Variants in KMT2A observed in about 807,000 individuals in gnomAD.
KMT2A encodes histone-lysine N-methyltransferase 2A.
Under a neutral mutation model 345.3 loss-of-function variants are expected in KMT2A, and 16 were observed. That is an observed-to-expected ratio of 0.05 (90% CI 0.03 to 0.07). The LOEUF is 0.07. Among genes scored for constraint, KMT2A ranks in the 10% least tolerant of loss-of-function variants. The probability of loss-of-function intolerance (pLI) is 1.00; values close to 1 mark genes in which losing one functional copy is unlikely to be tolerated. For synonymous variants in KMT2A, 1,599 were observed against 1,778.6 expected (o/e 0.90, Z 2.54); for missense variants, 3,272 against 4,841.6 (o/e 0.68, Z 9.62).
chr11:118,488,714 G>T lies in KMT2A; in HGVS notation c.4433G>T (p.Arg1478Leu). The change falls in exon 11 of 36, where the codon CGT (arginine) becomes CTT (leucine). Residue 1478 changes from arginine (R) to leucine (L), a missense_variant. By Grantham distance (102) the Arg-to-Leu change is moderately radical. Around this residue, in one of 27 missense-constraint regions of KMT2A, gnomAD observed 120 missense variants for 280.4 expected, o/e 0.43. Transcript: ENST00000534358. ...EDQLENWCCR[R>L]CKFCHVCGRQ... ...CAGCTGGAAAATTGGTGTTGTCGTC[G>T]TTGCAAATTCTGTCACGTTTGTGGA... is the stretch of plus-strand genomic sequence containing the variant. 1 of 1,614,140 alleles carries T rather than the reference G, an allele frequency of 6.2e-7. No individual in the cohort carries two copies. The highest frequency in any genetic ancestry group is 8.5e-7 in the Non-Finnish European group (1 of 1,180,024).
At chr11:118,460,594 A>T (rs1460384398) in intron 1 of KMT2A, among the ~76,000 whole-genome samples, 1 of 152,180 alleles carries the variant, frequency 6.6e-6, no homozygotes, top group Non-Finnish European at 1.5e-5. Flanking sequence ...CCAGCCTTCA[A>T]GAGTTAAGCA....
intron 22 of KMT2A, 38 bp from the exon 23 acceptor site, chr11:118,499,265 G>C (rs2134371861): frequency 8.0e-7 from 1 of 1,255,692 alleles, no homozygotes; most frequent in Non-Finnish European, 1.2e-6. Flanking sequence ...ATGTGCAAAG[G>C]GACAGCCTAT....
intron 6 of KMT2A, among the ~76,000 whole-genome samples, chr11:118,480,867 A>G (rs1950119184): frequency 6.6e-6 from 1 of 152,118 alleles, no homozygotes; most frequent in East Asian, 1.9e-4. Flanking sequence ...CGATTTTGCC[A>G]TGTTGCCCAG....
At chr11:118,455,950 A>G (rs1226451220) in intron 1 of KMT2A, among the ~76,000 whole-genome samples, 2 of 151,938 alleles carry the variant, frequency 1.3e-5, no homozygotes, top group Non-Finnish European at 2.9e-5. Flanking sequence ...CAGCCTCCCA[A>G]AGTGCTAGGA....
At chr11:118,480,809 C>T (rs1163524947) in intron 6 of KMT2A, among the ~76,000 whole-genome samples, 1 of 152,014 alleles carries the variant, frequency 6.6e-6, no homozygotes, top group Non-Finnish European at 1.5e-5. Context: ...ACTACAGGTG[C>T]GCACCACCAC....
chr11:118,481,805 A>C lies in KMT2A; in HGVS notation c.3725A>C (p.Gln1242Pro). The C allele has an allele frequency of 6.2e-7, 1 of 1,614,242 alleles. No homozygotes were observed. Among genetic ancestry groups the C allele is most frequent in the Non-Finnish European group, 8.5e-7 (1 of 1,180,048 alleles). ...GTGAAGAACGTGGTGGACTCTAGTC[A>C]GAAACCTACCCCATCAGCAAGAGAG... Reference protein sequence around the residue: ...SVVKNVVDSSQKPTPSAREDP... With the variant: ...SVVKNVVDSSPKPTPSAREDP... Residue 1242 changes from glutamine to proline, a missense_variant, in exon 7 of 36, where the codon CAG becomes CCG. This residue lies in a region of KMT2A where 168 missense variants were observed against 216.0 expected (regional missense o/e 0.78). Transcript: ENST00000534358.
intron 1 of KMT2A, among the ~76,000 whole-genome samples, chr11:118,454,840 A>G (rs1386127040): frequency 6.6e-6 from 1 of 151,482 alleles, no homozygotes; most frequent in East Asian, 1.9e-4. Flanking sequence ...AAAAATGGTT[A>G]ATTTTTTTTT....
intron 22 of KMT2A, 103 bp from the exon 23 acceptor site, chr11:118,499,200 C>A: frequency 1.3e-6 from 1 of 762,056 alleles, no homozygotes; most frequent in South Asian, 1.6e-5. Context: ...CAGAAGGATG[C>A]TTTTGAGATA....
rs781872417 is a variant in KMT2A at position 118,510,959 on chromosome 11, G to A, written c.11071+841G>A. 2.8e-4 allele frequency among the ~76,000 whole-genome samples: 42 copies of A among 152,186 alleles called. No homozygotes were observed. The highest frequency in any genetic ancestry group is 5.4e-4 in the Non-Finnish European group (37 of 68,038). ...AGTTAGAAAGGCAGGACTGCATTTGGTGGGTTTAGAGTAGTGTCAGGTGAG... is the reference window on the plus strand; with the variant it reads ...AGTTAGAAAGGCAGGACTGCATTTGATGGGTTTAGAGTAGTGTCAGGTGAG... On this transcript the variant is annotated intron_variant, in intron 30 of 35. Coordinates refer to ENST00000534358, the MANE Select transcript of KMT2A (RefSeq NM_001197104.2). The surrounding 1 kb of genome is among the most constrained non-coding windows in gnomAD (Gnocchi z 4.1).
In KMT2A at chr11:118,481,710, C is replaced by T. The variant is rs1200596796; in HGVS notation, c.3635-5C>T. On this transcript the variant is annotated splice_polypyrimidine_tract_variant and splice_region_variant and intron_variant, in intron 6 of 35. Coordinates refer to ENST00000534358, the MANE Select transcript of KMT2A (RefSeq NM_001197104.2). The stretch of plus-strand genomic sequence containing the variant: ...ACAGATGATGTTGTTGTGTTTTTCC[C>T]TCAGCTGTGAAAAAGAAAGAGAAAA... 12 of 1,602,908 alleles carry T rather than the reference C, an allele frequency of 7.5e-6. No individual in the cohort carries two copies. Among genetic ancestry groups the T allele is most frequent in the Middle Eastern group, 1.7e-4 (1 of 5,994 alleles).
In KMT2A at chr11:118,494,267, A is replaced by G; in HGVS notation, c.5179-21A>G. 1 of 1,235,960 alleles carries G rather than the reference A, an allele frequency of 8.1e-7. No individual in the cohort carries two copies. Among genetic ancestry groups the G allele is most frequent in the Non-Finnish European group, 1.2e-6 (1 of 835,852 alleles). The allele number at this position is 1,235,960 out of a possible 1,614,324, so 76.6% of individuals were successfully genotyped here. A position where few individuals can be genotyped will look rare whatever the true frequency, so the allele number is the denominator to read the frequency against. ...GAGCACACTGTTTTAAGAATAATTA[A>G]CATTTTGTTTTTGTATACAGTTGGA... On this transcript the variant is annotated intron_variant, in intron 16 of 35. Coordinates refer to ENST00000534358, the MANE Select transcript of KMT2A (RefSeq NM_001197104.2). The surrounding 1 kb of genome is among the most constrained non-coding windows in gnomAD (Gnocchi z 5.8).
rs1555035726 is a variant in KMT2A, at chr11:118,472,120, A to C, written c.961A>C (p.Asn321His). 1 of 1,614,046 alleles carries C rather than the reference A, an allele frequency of 6.2e-7. No individual in the cohort carries two copies. The highest frequency in any genetic ancestry group is 8.5e-7 in the Non-Finnish European group (1 of 1,180,022). The change falls in exon 3 of 36, where the codon AAT becomes CAT. Residue 321 changes from asparagine to histidine, a missense_variant. This residue lies in a region of KMT2A where 412 missense variants were observed against 511.0 expected (regional missense o/e 0.81). Transcript: ENST00000534358. ...AAAGACCCCTTCGGGTCTCCTCATTAATTCTGAACTGGAAAAGCCCCAGAA... is the reference window on the plus strand; with the variant it reads ...AAAGACCCCTTCGGGTCTCCTCATTCATTCTGAACTGGAAAAGCCCCAGAA... ...RIKTPSGLLI[N>H]SELEKPQKVR...
chr11:118,466,216 G>C (rs1396046074), intron 1 of KMT2A, among the ~76,000 whole-genome samples: 1 of 152,036 alleles, frequency 6.6e-6, no homozygotes, highest in Non-Finnish European at 1.5e-5. Context: ...TGTAGTCCCA[G>C]CTGCCCAGGA....
chr11:118,491,018 A>C lies in KMT2A; in HGVS notation c.4697-178A>C, dbSNP rs1225939882. ...TATGAAGCTTTTCTGTGAGTATTCG[A>C]GGGGCTCAGAATAATCTTGAGACTG... On this transcript the variant is annotated intron_variant, in intron 13 of 35. Transcript: ENST00000534358. This position sits in a 1 kb window ranked among gnomAD's most constrained non-coding sequence, Gnocchi z 4.2. Among the ~76,000 whole-genome samples the C allele has an allele frequency of 2.0e-5, 3 of 152,206 alleles. No individual in the cohort carries two copies. The highest frequency in any genetic ancestry group is 7.2e-5 in the African/African-American group (3 of 41,458).
intron 1 of KMT2A, among the ~76,000 whole-genome samples, chr11:118,456,973 A>G (rs1949655957): frequency 1.3e-5 from 2 of 151,980 alleles, no homozygotes; most frequent in Non-Finnish European, 2.9e-5. Context: ...ACTCCCTTAA[A>G]CCTTTATATC....
At chr11:118,482,774 AAG>A (rs1950158225) in intron 8 of KMT2A, among the ~76,000 whole-genome samples, 1 of 151,088 alleles carries the variant, frequency 6.6e-6, no homozygotes, top group Non-Finnish European at 1.5e-5. Context: ...AAAGAAGAAG[AAG>A]AAGAAGTTAG....
rs1950386054 is a variant in KMT2A, at chr11:118,495,151, TATTTA to T, written c.5363+385_5363+389del. On this transcript the variant is annotated intron_variant, in intron 18 of 35. Transcript: ENST00000534358. This position sits in a 1 kb window ranked among gnomAD's most constrained non-coding sequence, Gnocchi z 4.1. ...CCAGTAAATTCTTTTGATTTGATTT[TATTTA>T]TTTATTTATTTTTTTTTTTTTGAGA... is the stretch of plus-strand genomic sequence containing the variant. Among the ~76,000 whole-genome samples the T allele has an allele frequency of 1.3e-5, 2 of 150,772 alleles. No individual in the cohort carries two copies. The highest frequency in any genetic ancestry group is 1.3e-4 in the Admixed American group (2 of 15,168).
At position 118,490,017 on chromosome 11, in the gene KMT2A, T is replaced by C. The variant is rs782759164; in HGVS notation, c.4576-112T>C. ...ATCTTTTTGCCTCATTACTAGGAAATCATCTCAGCAGAGAAATTAAATCTA... is the reference window on the plus strand; with the variant it reads ...ATCTTTTTGCCTCATTACTAGGAAACCATCTCAGCAGAGAAATTAAATCTA... On this transcript the variant is annotated intron_variant, in intron 12 of 35. Transcript: ENST00000534358. The surrounding 1 kb of genome is among the most constrained non-coding windows in gnomAD (Gnocchi z 4.2). 1.6e-4 allele frequency: 233 copies of C among 1,432,494 alleles called. No homozygotes were observed. The highest frequency in any genetic ancestry group is 2.2e-4 in the Non-Finnish European group (227 of 1,040,612). 88.7% of individuals were successfully genotyped at this position (1,432,494 alleles called of 1,614,324 possible).
In KMT2A at chr11:118,490,065, T is replaced by G; in HGVS notation, c.4576-64T>G. On this transcript the variant is annotated intron_variant, in intron 12 of 35. Coordinates refer to ENST00000534358, the MANE Select transcript of KMT2A (RefSeq NM_001197104.2). This position sits in a 1 kb window ranked among gnomAD's most constrained non-coding sequence, Gnocchi z 4.2. The stretch of plus-strand genomic sequence containing the variant: ...CTATAAATGGATGCATTTAAGATCT[T>G]TTTAGTTAAGTAAAGATATTAAAAA... 6.5e-7 allele frequency: 1 copy of G among 1,537,366 alleles called. No individual in the cohort carries two copies. The highest frequency in any genetic ancestry group is 8.8e-7 in the Non-Finnish European group (1 of 1,136,694).
Sources: gnomAD v4.1 joint callset for allele counts (sites outside exome capture counted in the v4.1 genomes callset) on GRCh38, gnomAD v4.1.1 for gene constraint, gnomAD v4.1.1 regional missense constraint, Gnocchi (gnomAD v3.1) non-coding constraint, MANE v1.5 for transcripts, NCBI Gene and HGNC (gene_info 2026-07-23, HGNC 2026-07-21) for gene names.